RAI14: variants seen among roughly 807,000 people sequenced by gnomAD.
RAI14 encodes the protein ankycorbin.
In RAI14, 45 loss-of-function variants were observed where a neutral mutation model predicts 115.4. The observed-to-expected ratio is 0.39, with a 90% CI of 0.31 to 0.50. RAI14 has a LOEUF of 0.50. Ranked by LOEUF, RAI14 falls within the 20% of genes least tolerant of loss-of-function variation. RAI14 has a pLI of 0.85. For missense variants in RAI14, 939 were observed against 1,131.2 expected, an observed-to-expected ratio of 0.83 and a Z score of 2.44; for synonymous variants, 371 against 415.4, an observed-to-expected ratio of 0.89 and a Z score of 1.30.
At chr5:34,830,456 G>T (rs1580392069) in intron 17 of RAI14, among the ~76,000 whole-genome samples, 1 of 152,212 alleles carries the variant, frequency 6.6e-6, no homozygotes, top group Non-Finnish European at 1.5e-5. Flanking sequence ...GATAGCTTTT[G>T]CTGAGGGTTT....
chr5:34,660,199 G>C (rs539902408), intron 1 of RAI14, among the ~76,000 whole-genome samples: 2 of 152,028 alleles, frequency 1.3e-5, no homozygotes, highest in South Asian at 4.2e-4. Flanking sequence ...TTGGGAGGCC[G>C]AGGCAGGTGG....
At chr5:34,756,888 T>C (rs1747956493) in intron 2 of RAI14, among the ~76,000 whole-genome samples, 1 of 152,232 alleles carries the variant, frequency 6.6e-6, no homozygotes, top group Non-Finnish European at 1.5e-5. Context: ...AAGAGCTTGC[T>C]CAGGAAGAAG....
chr5:34,751,759 AG>A (rs1249390596), intron 2 of RAI14, among the ~76,000 whole-genome samples: 1 of 152,252 alleles, frequency 6.6e-6, no homozygotes, highest in Non-Finnish European at 1.5e-5. Flanking sequence ...TCTTATACAC[AG>A]GTTGGGGAAA....
At chr5:34,746,115 T>C (rs368622659) in intron 2 of RAI14, among the ~76,000 whole-genome samples, 1 of 114,744 alleles carries the variant, frequency 8.7e-6, no homozygotes, top group African/African-American at 3.5e-5. Flanking sequence ...TTTTTTTTTT[T>C]GTTTTTTTGA....
chr5:34,797,560 A>G (rs769569039), intron 4 of RAI14, among the ~76,000 whole-genome samples: 9 of 152,208 alleles, frequency 5.9e-5, no homozygotes, highest in Non-Finnish European at 1.0e-4. Flanking sequence ...AAATAACAGA[A>G]TGATTTTTCT....
chr5:34,764,611 A>T (rs1346064759), intron 3 of RAI14, among the ~76,000 whole-genome samples: 1 of 152,098 alleles, frequency 6.6e-6, no homozygotes. Flanking sequence ...ATATATGTAT[A>T]TAAGACTTGT....
At chr5:34,816,337 G>A (rs1416127972) in intron 12 of RAI14, among the ~76,000 whole-genome samples, 1 of 151,888 alleles carries the variant, frequency 6.6e-6, no homozygotes, top group Non-Finnish European at 1.5e-5. Context: ...ACCCAATTAA[G>A]TTTATATTAA....
At chr5:34,792,235 C>CTTTTTTTTTTTTTTTTTTTT (rs55986330) in intron 3 of RAI14, among the ~76,000 whole-genome samples, 1 of 127,482 alleles carries the variant, frequency 7.8e-6, no homozygotes, top group South Asian at 2.5e-4. Context: ...TTTCTTTTTT[C>CTTTTTTTTTTTTTTTTTTTT]TTTTTTTTTT....
At chr5:34,724,869 G>A (rs920840345) in intron 2 of RAI14, among the ~76,000 whole-genome samples, 3 of 152,076 alleles carry the variant, frequency 2.0e-5, no homozygotes, top group Non-Finnish European at 4.4e-5. Context: ...ATTTGATTGA[G>A]GCTAAGAAAA....
intron 3 of RAI14, among the ~76,000 whole-genome samples, chr5:34,790,717 T>C (rs1387345446): frequency 6.6e-6 from 1 of 150,478 alleles, no homozygotes; most frequent in African/African-American, 2.4e-5. Flanking sequence ...CAAGGTATTA[T>C]ATATATAAGA....
At position 34,792,235 on chromosome 5, in the gene RAI14, C is replaced by CTTTTT. The variant is rs55986330; in HGVS notation, c.168-3692_168-3688dup. ...CTTTCCTGCTTTTCTTTTCTTTTTT[C>CTTTTT]TTTTTTTTTTTTTTTTGAGACGGAG... On this transcript the variant is annotated intron_variant, in intron 3 of 17. Transcript: ENST00000265109. Among the ~76,000 whole-genome samples the CTTTTT allele has an allele frequency of 9.4e-5, 12 of 127,482 alleles. 1 individual carries two copies. Among genetic ancestry groups the CTTTTT allele is most frequent in the East Asian group, 2.2e-4 (1 of 4,508 alleles). 83.6% of individuals were successfully genotyped at this position (127,482 alleles called of 152,430 possible).
intron 2 of RAI14, among the ~76,000 whole-genome samples, chr5:34,756,241 C>T (rs920782260): frequency 1.3e-5 from 2 of 152,128 alleles, no homozygotes; most frequent in Non-Finnish European, 2.9e-5. Context: ...GAACATACTC[C>T]CGGGGCCGTG....
At chr5:34,722,283 G>A (rs1018740950) in intron 2 of RAI14, among the ~76,000 whole-genome samples, 12 of 148,818 alleles carry the variant, frequency 8.1e-5, no homozygotes, top group African/African-American at 2.5e-5. Flanking sequence ...CTTATACAAG[G>A]AGAAAATTTG....
chr5:34,692,117 G>A (rs952200383), intron 2 of RAI14, among the ~76,000 whole-genome samples: 10 of 152,130 alleles, frequency 6.6e-5, no homozygotes, highest in African/African-American at 2.4e-4. Flanking sequence ...ACAAAAATTA[G>A]CCAGGCATGG....
chr5:34,787,240 C>A (rs776225863), intron 3 of RAI14, among the ~76,000 whole-genome samples: 7 of 152,194 alleles, frequency 4.6e-5, no homozygotes, highest in Non-Finnish European at 8.8e-5. Flanking sequence ...TATGACTCAG[C>A]AATTCTGCTC....
At chr5:34,675,849 T>C (rs1579876104) in intron 1 of RAI14, among the ~76,000 whole-genome samples, 1 of 152,238 alleles carries the variant, frequency 6.6e-6, no homozygotes. Context: ...TCATCCATGC[T>C]TCACCATGGA....
chr5:34,753,518 G>A (rs574750330), intron 2 of RAI14, among the ~76,000 whole-genome samples: 3 of 152,170 alleles, frequency 2.0e-5, no homozygotes, highest in Non-Finnish European at 1.5e-5. Flanking sequence ...TGGCTCACAC[G>A]CCTGTAATCC....
At chr5:34,764,466 C>T (rs542494132) in intron 3 of RAI14, among the ~76,000 whole-genome samples, 7 of 151,990 alleles carry the variant, frequency 4.6e-5, no homozygotes, top group African/African-American at 7.2e-5. Context: ...TAGCCCAGAG[C>T]GTTCCAACAG....
In RAI14 at chr5:34,823,222, A is replaced by G. The variant is rs1757096740; in HGVS notation, c.1380A>G (p.Gln460=). 2 of 1,614,140 alleles carry G rather than the reference A, an allele frequency of 1.2e-6. No individual in the cohort carries two copies. The highest frequency in any genetic ancestry group is 1.3e-5 in the African/African-American group (1 of 75,072). Residue 460 remains glutamine, a synonymous_variant, in exon 15 of 18, where the codon CAA becomes CAG. Coordinates refer to ENST00000265109, the MANE Select transcript of RAI14 (RefSeq NM_015577.3). This position sits in a 1 kb window ranked among gnomAD's most constrained non-coding sequence, Gnocchi z 4.5. ...AERKQLQVEL[Q]SRRAELVCLN... is the part of the protein sequence containing the mutation. ...GAAAACAGCTACAGGTCGAACTCCA[A>G]TCCCGAAGGGCAGAACTGGTATGCT...
Sources: allele counts gnomAD v4.1 joint callset (sites outside exome capture counted in the v4.1 genomes callset), GRCh38; gene constraint gnomAD v4.1.1; non-coding constraint Gnocchi (gnomAD v3.1); transcripts MANE v1.5; gene names NCBI Gene and HGNC (gene_info 2026-07-23, HGNC 2026-07-21).